Variants in ACSS3 observed in about 807,000 individuals in gnomAD.
ACSS3 encodes acyl-CoA synthetase short chain family member 3, also known as acyl-CoA synthetase short-chain family member 3, mitochondrial.
In ACSS3, 64 loss-of-function variants were observed where a neutral mutation model predicts 84.2. The observed-to-expected ratio is 0.76, with a 90% CI of 0.62 to 0.94. The LOEUF (loss-of-function observed/expected upper bound fraction) is 0.94. Ranked by LOEUF, ACSS3 falls within the 40% of genes least tolerant of loss-of-function variation. The pLI, the probability that ACSS3 is intolerant of heterozygous loss-of-function variation, is 0.00. For synonymous variants in ACSS3, 317 were observed against 310.1 expected (o/e 1.02, Z -0.23); for missense variants, 815 against 867.6 (o/e 0.94, Z 0.76).
intron 9 of ACSS3, among the ~76,000 whole-genome samples, chr12:81,206,739 G>A (rs767080234): frequency 3.3e-5 from 5 of 152,086 alleles, no homozygotes; most frequent in Non-Finnish European, 7.4e-5. Flanking sequence ...TGAAAAGCCA[G>A]AGCTTAGAAG....
chr12:81,147,381 A>G (rs1480042285), intron 5 of ACSS3, among the ~76,000 whole-genome samples: 1 of 152,198 alleles, frequency 6.6e-6, no homozygotes, highest in Non-Finnish European at 1.5e-5. Context: ...TAGACAGTCA[A>G]CAAATGTATT....
At chr12:81,090,096 T>C (rs1881577053) in intron 1 of ACSS3, among the ~76,000 whole-genome samples, 1 of 152,064 alleles carries the variant, frequency 6.6e-6, no homozygotes, top group Non-Finnish European at 1.5e-5. Flanking sequence ...CCCTTTGCTT[T>C]ATTTGTTCTC....
chr12:81,227,288 G>A lies in ACSS3; in HGVS notation c.1515-3769G>A, dbSNP rs147410716. Among the ~76,000 whole-genome samples the A allele has an allele frequency of 2.0e-3, 299 of 151,758 alleles. 1 individual carries two copies. Among genetic ancestry groups the A allele is most frequent in the African/African-American group, 6.8e-3 (280 of 41,442 alleles). On this transcript the variant is annotated intron_variant, in intron 11 of 15. Transcript: ENST00000548058. The stretch of plus-strand genomic sequence containing the variant: ...TAAATGTTAATTTCATCTAAAAAAT[G>A]CCTTCACAGAAACACCTAGAATGCT...
intron 13 of ACSS3, among the ~76,000 whole-genome samples, chr12:81,245,461 C>A (rs1177869675): frequency 1.3e-5 from 2 of 151,744 alleles, no homozygotes; most frequent in Admixed American, 1.3e-4. Flanking sequence ...GACTCTGTCT[C>A]AAAAAAACAA....
At chr12:81,243,251 C>A (rs1331312770) in intron 13 of ACSS3, among the ~76,000 whole-genome samples, 2 of 152,214 alleles carry the variant, frequency 1.3e-5, no homozygotes, top group East Asian at 3.9e-4. Context: ...AGTGAACTCC[C>A]ATTCACAATT....
intron 13 of ACSS3, among the ~76,000 whole-genome samples, chr12:81,248,289 A>C (rs1034965154): frequency 2.0e-5 from 3 of 152,088 alleles, no homozygotes; most frequent in Non-Finnish European, 4.4e-5. Flanking sequence ...AGTAGCAAAG[A>C]TATAGAATCA....
chr12:81,212,849 A>C (rs2032647910), intron 9 of ACSS3, among the ~76,000 whole-genome samples: 1 of 152,202 alleles, frequency 6.6e-6, no homozygotes, highest in Admixed American at 6.5e-5. Flanking sequence ...TTTTTTAAAA[A>C]CAAGGAAATT....
At chr12:81,168,722 A>C (rs1438167573) in intron 7 of ACSS3, among the ~76,000 whole-genome samples, 1 of 152,118 alleles carries the variant, frequency 6.6e-6, no homozygotes. Flanking sequence ...ACAGTGAAGC[A>C]TTTCTCCCCA....
Position 81,207,675 on chromosome 12 carries a change from C to T in ACSS3, c.1354+8231C>T, listed in dbSNP as rs192342293. 2.4e-3 allele frequency among the ~76,000 whole-genome samples: 367 copies of T among 152,206 alleles called. 4 individuals are homozygous for T. The highest frequency in any genetic ancestry group is 8.4e-3 in the African/African-American group (348 of 41,544). On this transcript the variant is annotated intron_variant, in intron 9 of 15. Coordinates refer to ENST00000548058, the MANE Select transcript of ACSS3 (RefSeq NM_024560.4). ...TTCAAAAAAACTTGGACTGTAAAAG[C>T]GGAACTTACGTTTGAGAAAATGTAA...
chr12:81,203,128 G>A (rs1237152565), intron 9 of ACSS3, among the ~76,000 whole-genome samples: 1 of 152,124 alleles, frequency 6.6e-6, no homozygotes, highest in Non-Finnish European at 1.5e-5. Flanking sequence ...AACTCAGGGG[G>A]CCACTTATAT....
rs1293430848 is a variant in ACSS3, at chr12:81,213,944, TCTC to T, written c.1355-2956_1355-2954del. On this transcript the variant is annotated intron_variant, in intron 9 of 15. Transcript: ENST00000548058. ...TCCTTCCTTCCTTCCTTTCTCTCTC[TCTC>T]TCCCTCTCTCTCTTTCTTTCTTTCT... 6.1e-3 allele frequency among the ~76,000 whole-genome samples: 440 copies of T among 72,246 alleles called. 29 individuals carry two copies. Among genetic ancestry groups the T allele is most frequent in the Non-Finnish European group, 0.012 (377 of 31,818 alleles). The allele number at this position is 72,246 out of a possible 152,430, so 47.4% of individuals were successfully genotyped here. A position where few individuals can be genotyped will look rare whatever the true frequency, so the allele number is the denominator to read the frequency against.
chr12:81,221,768 T>A (rs1321978080), intron 11 of ACSS3, among the ~76,000 whole-genome samples: 1 of 152,044 alleles, frequency 6.6e-6, no homozygotes, highest in Non-Finnish European at 1.5e-5. Context: ...CTAAAGAAAT[T>A]AATAATTTGA....
In ACSS3 at chr12:81,233,463, A is replaced by G. The variant is rs143009854; in HGVS notation, c.1711A>G (p.Ile571Val). The G allele has an allele frequency of 2.5e-6, 4 of 1,610,700 alleles. No homozygotes were observed. The highest frequency in any genetic ancestry group is 1.7e-4 in the Middle Eastern group (1 of 6,036). ...VAGHRISAGAIEESILSHGTV... is the reference protein window; with the variant it reads ...VAGHRISAGAVEESILSHGTV... ...AGGTCACAGAATTTCTGCAGGCGCCATTGAAGAGGTATTGATGAATATTGG... is the reference window on the plus strand; with the variant it reads ...AGGTCACAGAATTTCTGCAGGCGCCGTTGAAGAGGTATTGATGAATATTGG... The change falls in exon 13 of 16, where the codon ATT (isoleucine) becomes GTT (valine). Residue 571 changes from isoleucine (I) to valine (V), a missense_variant. Transcript: ENST00000548058.
chr12:81,178,833 G>A (rs537514856), intron 8 of ACSS3, among the ~76,000 whole-genome samples: 137 of 152,148 alleles, frequency 9.0e-4, no homozygotes, highest in African/African-American at 3.2e-3. Flanking sequence ...AGCTCAAATA[G>A]CCAAAGCAAT....
intron 13 of ACSS3, among the ~76,000 whole-genome samples, chr12:81,233,788 A>T (rs1392420583): frequency 6.6e-6 from 1 of 151,666 alleles, no homozygotes; most frequent in Non-Finnish European, 1.5e-5. Context: ...GTGTTTAATC[A>T]TCAGGTTTGC....
At position 81,185,049 on chromosome 12, in the gene ACSS3, C is replaced by T. The variant is rs1173612016; in HGVS notation, c.1250+10110C>T. Reference sequence around the variant, plus strand: ...TACATTGTGTTCATGTGAGATTTTTCCATGGCATGCAAAACTGATTTAACG... The same window carrying T: ...TACATTGTGTTCATGTGAGATTTTTTCATGGCATGCAAAACTGATTTAACG... On this transcript the variant is annotated intron_variant, in intron 8 of 15. Transcript: ENST00000548058. 2.0e-5 allele frequency among the ~76,000 whole-genome samples: 3 copies of T among 151,650 alleles called. No homozygotes were observed. In the East Asian group the frequency reaches 5.8e-4, roughly 29 times the overall value.
At chr12:81,169,217 A>T (rs1458811079) in intron 7 of ACSS3, among the ~76,000 whole-genome samples, 1 of 152,204 alleles carries the variant, frequency 6.6e-6, no homozygotes, top group Non-Finnish European at 1.5e-5. Flanking sequence ...GAATGATGGT[A>T]CATCCCTAGC....
chr12:81,195,789 T>C (rs907499222), intron 8 of ACSS3, among the ~76,000 whole-genome samples: 2 of 152,090 alleles, frequency 1.3e-5, no homozygotes, highest in Non-Finnish European at 2.9e-5. Flanking sequence ...TATGCTCTTA[T>C]CTGAAATTTA....
chr12:81,162,968 T>C (rs561665859), intron 7 of ACSS3, among the ~76,000 whole-genome samples: 1 of 152,120 alleles, frequency 6.6e-6, no homozygotes, highest in African/African-American at 2.4e-5. Context: ...CTTCCAAGCC[T>C]GTGTGGGGAC....
Sources: gnomAD v4.1 joint callset for allele counts (sites outside exome capture counted in the v4.1 genomes callset) on GRCh38, gnomAD v4.1.1 for gene constraint, MANE v1.5 for transcripts, NCBI Gene and HGNC (gene_info 2026-07-23, HGNC 2026-07-21) for gene names.